LHX6: variants seen among roughly 807,000 people sequenced by gnomAD.
LHX6 encodes the protein LIM homeobox 6, also known as LIM/homeobox protein Lhx6.
Under a neutral mutation model 47.1 loss-of-function variants are expected in LHX6, and 15 were observed. The observed-to-expected ratio is 0.32, with a 90% CI of 0.21 to 0.49. LHX6 has a LOEUF of 0.49. Among genes scored for constraint, LHX6 ranks in the 20% least tolerant of loss-of-function variants. The pLI is 0.99. For synonymous variants in LHX6, 242 were observed against 233.5 expected (o/e 1.04, Z -0.33); for missense variants, 404 against 539.6 (o/e 0.75, Z 2.49).
Position 122,204,502 on chromosome 9 carries a change from G to T in LHX6, c.*258C>A. On this transcript the variant is annotated 3_prime_UTR_variant, in exon 10 of 10. Transcript: ENST00000394319. ...ACTCCTGTTTAAATGGGAAAAACAG[G>T]CTGTTTCCACCCTGATTCCAGATTT... is the stretch of plus-strand genomic sequence containing the variant. The T allele has an allele frequency of 2.4e-6, 1 of 415,966 alleles. No homozygotes were observed. The highest frequency in any genetic ancestry group is 3.5e-5 in the East Asian group (1 of 28,246). 25.8% of individuals were successfully genotyped at this position (415,966 alleles called of 1,614,324 possible). A position where few individuals can be genotyped will look rare whatever the true frequency, so the allele number is the denominator to read the frequency against.
chr9:122,209,830 A>G, intron 8 of LHX6, 113 bp from the exon 9 acceptor site: 1 of 593,588 alleles, frequency 1.7e-6, no homozygotes, highest in Admixed American at 2.9e-5. Flanking sequence ...TCTGCCACTT[A>G]CCTCCTGGGT....
Position 122,213,181 on chromosome 9 carries a change from C to T in LHX6, c.1054+425G>A, listed in dbSNP as rs115074600. Among the ~76,000 whole-genome samples, 381 of 152,158 alleles carry T rather than the reference C, an allele frequency of 2.5e-3. 2 individuals are homozygous for T. Among genetic ancestry groups the T allele is most frequent in the African/African-American group, 8.8e-3 (365 of 41,512 alleles). On this transcript the variant is annotated intron_variant, in intron 8 of 9. Coordinates refer to ENST00000394319, the MANE Select transcript of LHX6 (RefSeq NM_014368.5). The surrounding 1 kb of genome is among the most constrained non-coding windows in gnomAD (Gnocchi z 5.5). ...GCAGCCCAGCCCCTTCCCTTCCACC[C>T]CGCAGCATCTCCAGTCACTCCTACC...
At position 122,214,494 on chromosome 9, in the gene LHX6, G is replaced by T; in HGVS notation, c.683-111C>A. ...CTGGAAGGGTCAGGAGCGGGAGTTG[G>T]CTGGGAGCAGGGATCCCAGGGTCCT... On this transcript the variant is annotated intron_variant, in intron 5 of 9. Transcript: ENST00000394319. This position sits in a 1 kb window ranked among gnomAD's most constrained non-coding sequence, Gnocchi z 4.6. 2 of 1,376,124 alleles carry T rather than the reference G, an allele frequency of 1.5e-6. No individual in the cohort carries two copies. Among genetic ancestry groups the T allele is most frequent in the Non-Finnish European group, 9.4e-7 (1 of 1,064,082 alleles). The allele number at this position is 1,376,124 out of a possible 1,614,324, so 85.2% of individuals were successfully genotyped here. A position where few individuals can be genotyped will look rare whatever the true frequency, so the allele number is the denominator to read the frequency against.
chr9:122,212,132 G>C (rs997241926), intron 8 of LHX6, among the ~76,000 whole-genome samples: 2 of 152,164 alleles, frequency 1.3e-5, no homozygotes, highest in African/African-American at 4.8e-5. Flanking sequence ...AGGATTTTCA[G>C]TTACCTCGTT....
chr9:122,218,913 G>C (rs1379446352), intron 4 of LHX6, among the ~76,000 whole-genome samples: 1 of 152,016 alleles, frequency 6.6e-6, no homozygotes, highest in African/African-American at 2.4e-5. Context: ...CGCTCTCTCA[G>C]CGCTGACCAC....
chr9:122,220,496 C>A (rs766660465), intron 4 of LHX6, among the ~76,000 whole-genome samples: 32 of 152,320 alleles, frequency 2.1e-4, no homozygotes, highest in East Asian at 1.9e-4. Flanking sequence ...CCTTCCCAGG[C>A]GGGCTGCGAG....
chr9:122,227,307 C>T (rs1831146112), intron 2 of LHX6, 102 bp downstream of exon 2: 1 of 1,222,086 alleles, frequency 8.2e-7, no homozygotes, highest in African/African-American at 1.6e-5. Flanking sequence ...CCGGGAGTCC[C>T]CCAGAGCGTG....
At position 122,226,329 on chromosome 9, in the gene LHX6, C is replaced by G. The variant is rs563637865; in HGVS notation, c.461+47G>C. The G allele has an allele frequency of 6.3e-7, 1 of 1,580,048 alleles. No homozygotes were observed. Among genetic ancestry groups the G allele is most frequent in the South Asian group, 1.1e-5 (1 of 87,010 alleles). The stretch of plus-strand genomic sequence containing the variant: ...CGCAAAAGTGGCCTCCGAATGCGCC[C>G]GGGGCCTGCCCTCGGCGACACTGCT... On this transcript the variant is annotated intron_variant, in intron 4 of 9. Transcript: ENST00000394319. The surrounding 1 kb of genome is among the most constrained non-coding windows in gnomAD (Gnocchi z 6.5).
chr9:122,223,727 A>G (rs917230978), intron 4 of LHX6, among the ~76,000 whole-genome samples: 10 of 152,200 alleles, frequency 6.6e-5, no homozygotes, highest in African/African-American at 2.4e-4. Flanking sequence ...GGCTCTGAAC[A>G]GTGGAGTCAG....
chr9:122,221,389 C>G (rs1399454926), intron 4 of LHX6: 17 of 985,700 alleles, frequency 1.7e-5, no homozygotes, highest in Non-Finnish European at 2.0e-5. Flanking sequence ...GGGCCGCTTC[C>G]CGCTCTGCGC....
At chr9:122,207,538 G>A (rs1410248291) in intron 9 of LHX6, among the ~76,000 whole-genome samples, 1 of 152,186 alleles carries the variant, frequency 6.6e-6, no homozygotes, top group Admixed American at 6.5e-5. Context: ...CTCAGCAAAC[G>A]GCAGCTCTTC....
chr9:122,217,375 C>T lies in LHX6; in HGVS notation c.462-87G>A. 1.8e-6 allele frequency: 2 copies of T among 1,121,844 alleles called. No individual in the cohort carries two copies. Among genetic ancestry groups the T allele is most frequent in the Non-Finnish European group, 2.5e-6 (2 of 786,680 alleles). The allele number at this position is 1,121,844 out of a possible 1,614,324, so 69.5% of individuals were successfully genotyped here. A position where few individuals can be genotyped will look rare whatever the true frequency, so the allele number is the denominator to read the frequency against. On this transcript the variant is annotated intron_variant, in intron 4 of 9. Coordinates refer to ENST00000394319, the MANE Select transcript of LHX6 (RefSeq NM_014368.5). This position sits in a 1 kb window ranked among gnomAD's most constrained non-coding sequence, Gnocchi z 4.9. ...CACCACCCAATGGCCCGCCAGCCCC[C>T]AGGCTCCTGGCCTCTAAGTCTTCAA...
intron 4 of LHX6, chr9:122,221,843 T>G: frequency 2.6e-6 from 1 of 390,622 alleles, no homozygotes; most frequent in Non-Finnish European, 3.5e-6. Flanking sequence ...ATCTCACCTA[T>G]AGAAGAGTAT....
chr9:122,207,587 G>A (rs1437515172), intron 9 of LHX6, among the ~76,000 whole-genome samples: 1 of 152,108 alleles, frequency 6.6e-6, no homozygotes, highest in Non-Finnish European at 1.5e-5. Context: ...GGTGTTCCTG[G>A]GGCATGCTCA....
intron 1 of LHX6, 170 bp downstream of exon 1, chr9:122,228,485 GAC>G (rs1831202865): frequency 1.6e-6 from 2 of 1,262,710 alleles, no homozygotes; most frequent in African/African-American, 4.9e-5. Context: ...CGCTTTCCGC[GAC>G]CCCCCCCCCC....
rs1334502985 is a variant in LHX6, at chr9:122,213,708, G to T, written c.952C>A (p.Pro318Thr). ...PQHPVPPSGAPPSRLPSALSD... is the reference protein window; with the variant it reads ...PQHPVPPSGATPSRLPSALSD... Reference sequence around the variant, plus strand: ...AGGGCGGAGGGAAGGCGGGACGGGGGCGCCCCCGAGGGCGGCACTGGGTGT... The same window carrying T: ...AGGGCGGAGGGAAGGCGGGACGGGGTCGCCCCCGAGGGCGGCACTGGGTGT... Residue 318 changes from proline (P) to threonine (T), a missense_variant, in exon 8 of 10, where the codon CCC (proline) becomes ACC (threonine). Pro to Thr is a conservative substitution (Grantham distance 38, BLOSUM62 -1). Coordinates refer to ENST00000394319, the MANE Select transcript of LHX6 (RefSeq NM_014368.5). This position sits in a 1 kb window ranked among gnomAD's most constrained non-coding sequence, Gnocchi z 5.5. 12 of 1,612,354 alleles carry T rather than the reference G, an allele frequency of 7.4e-6. No individual in the cohort carries two copies. Among genetic ancestry groups the T allele is most frequent in the Admixed American group, 3.3e-5 (2 of 59,904 alleles).
chr9:122,218,450 T>A (rs1564440697), intron 4 of LHX6, among the ~76,000 whole-genome samples: 1 of 152,058 alleles, frequency 6.6e-6, no homozygotes, highest in African/African-American at 2.4e-5. Context: ...TTCCCAAGTA[T>A]CTCTGGGATC....
chr9:122,206,411 G>T (rs1414052880), intron 9 of LHX6, among the ~76,000 whole-genome samples: 1 of 152,150 alleles, frequency 6.6e-6, no homozygotes, highest in Non-Finnish European at 1.5e-5. Flanking sequence ...CGCCCACCAA[G>T]CCCCAGGAAT....
Position 122,214,399 on chromosome 9 carries a change from G to C in LHX6, c.683-16C>G, listed in dbSNP as rs770683861. On this transcript the variant is annotated splice_polypyrimidine_tract_variant and intron_variant, in intron 5 of 9. Coordinates refer to ENST00000394319, the MANE Select transcript of LHX6 (RefSeq NM_014368.5). The surrounding 1 kb of genome is among the most constrained non-coding windows in gnomAD (Gnocchi z 4.6). The stretch of plus-strand genomic sequence containing the variant: ...AGGCCGTTCCCTGGGGGCGATAGAA[G>C]CAGCTGACCACGCGTCCCCATCTCT... 16 of 1,549,904 alleles carry C rather than the reference G, an allele frequency of 1.0e-5. No homozygotes were observed. The highest frequency in any genetic ancestry group is 1.4e-5 in the Non-Finnish European group (16 of 1,153,494).
Sources: gnomAD v4.1 joint callset for allele counts (sites outside exome capture counted in the v4.1 genomes callset) on GRCh38, gnomAD v4.1.1 for gene constraint, Gnocchi (gnomAD v3.1) non-coding constraint, MANE v1.5 for transcripts, NCBI Gene and HGNC (gene_info 2026-07-23, HGNC 2026-07-21) for gene names.